The following HCRTR1 variants were observed in gnomAD, a reference collection of about 807,000 sequenced individuals.
The protein encoded by HCRTR1 is hypocretin receptor 1, also known as orexin/Hypocretin receptor type 1.
A neutral mutation model predicts 40.6 loss-of-function variants in HCRTR1; 28 were observed. The observed-to-expected ratio is 0.69, with a 90% CI of 0.51 to 0.95. The LOEUF (loss-of-function observed/expected upper bound fraction) is 0.95, where lower values mean the gene tolerates loss of function less well. Ranked by LOEUF, HCRTR1 falls within the 40% of genes least tolerant of loss-of-function variation. The pLI, the probability that HCRTR1 is intolerant of heterozygous loss-of-function variation, is 0.00. For missense variants in HCRTR1, 482 were observed against 564.7 expected, an observed-to-expected ratio of 0.85 and a Z score of 1.48; for synonymous variants, 209 against 230.0, an observed-to-expected ratio of 0.91 and a Z score of 0.83.
chr1:31,619,061 G>T lies in HCRTR1; in HGVS notation c.-132G>T. ...CCTTCCTCCCTTCAGGAAGTTTGAGGCTGAGACCCGAAAAGACCTGGGTGC... is the reference window on the plus strand; with the variant it reads ...CCTTCCTCCCTTCAGGAAGTTTGAGTCTGAGACCCGAAAAGACCTGGGTGC... On this transcript the variant is annotated 5_prime_UTR_variant, in exon 3 of 9. Transcript: ENST00000403528. 2 of 661,196 alleles carry T rather than the reference G, an allele frequency of 3.0e-6. No individual in the cohort carries two copies. Among genetic ancestry groups the T allele is most frequent in the Non-Finnish European group, 5.1e-6 (2 of 390,676 alleles). The allele number at this position is 661,196 out of a possible 1,614,324, so 41.0% of individuals were successfully genotyped here.
chr1:31,624,987 C>G lies in HCRTR1; in HGVS notation c.966-10C>G, dbSNP rs201654192. On this transcript the variant is annotated splice_polypyrimidine_tract_variant and intron_variant, in intron 7 of 8. Transcript: ENST00000403528. ...ACCCCATTTCTGACGCTCCTCCACC[C>G]TGGGCCTAGGGTGTTCGGGATGTTC... 101 of 1,590,816 alleles carry G rather than the reference C, an allele frequency of 6.3e-5. No homozygotes were observed. Among genetic ancestry groups the G allele is most frequent in the Admixed American group, 1.2e-4 (7 of 58,636 alleles).
Position 31,619,216 on chromosome 1 carries a change from G to A in HCRTR1, c.24G>A (p.Gly8=). Reference sequence around the variant, plus strand: ...TCATGGAGCCCTCAGCCACCCCAGGGGCCCAGATGGGGGTCCCCCCTGGCA... The same window carrying A: ...TCATGGAGCCCTCAGCCACCCCAGGAGCCCAGATGGGGGTCCCCCCTGGCA... MEPSATP[G]AQMGVPPGSR... Residue 8 remains glycine, a synonymous_variant, in exon 3 of 9, where the codon GGG becomes GGA. Transcript: ENST00000403528. The A allele has an allele frequency of 6.2e-7, 1 of 1,612,638 alleles. No individual in the cohort carries two copies. The highest frequency in any genetic ancestry group is 8.5e-7 in the Non-Finnish European group (1 of 1,179,990).
At chr1:31,623,221 C>T (rs1430595778) in intron 6 of HCRTR1, among the ~76,000 whole-genome samples, 1 of 149,260 alleles carries the variant, frequency 6.7e-6, no homozygotes, top group Non-Finnish European at 1.5e-5. Context: ...CCCAGCTACT[C>T]GGGAGGCGAG....
At position 31,619,715 on chromosome 1, in the gene HCRTR1, G is replaced by C; in HGVS notation, c.378+5G>C. ...AAGGTCATCCCCTATCTACAGGTGA[G>C]CTCTGCCCAGGCACCCCTCACCACT... On this transcript the variant is annotated splice_donor_5th_base_variant and intron_variant, in intron 4 of 8. Coordinates refer to ENST00000403528, the MANE Select transcript of HCRTR1 (RefSeq NM_001525.3). 6.3e-7 allele frequency: 1 copy of C among 1,585,546 alleles called. No individual in the cohort carries two copies. The highest frequency in any genetic ancestry group is 8.6e-7 in the Non-Finnish European group (1 of 1,163,030).
rs543702555 is a variant in HCRTR1, at chr1:31,625,672, C to G, written c.1087+554C>G. ...GGAAGTCTTCCTCCCCTGCCACCCC[C>G]ACTCCCACTCCAGGCCTCTCCTCTC... On this transcript the variant is annotated intron_variant, in intron 8 of 8. Transcript: ENST00000403528. The surrounding 1 kb of genome is among the most constrained non-coding windows in gnomAD (Gnocchi z 4.2). 6.6e-6 allele frequency among the ~76,000 whole-genome samples: 1 copy of G among 152,332 alleles called. No homozygotes were observed. Among genetic ancestry groups the G allele is most frequent in the Admixed American group, 6.5e-5 (1 of 15,306 alleles).
At position 31,623,625 on chromosome 1, in the gene HCRTR1, C is replaced by T. The variant is rs771966404; in HGVS notation, c.841C>T (p.Arg281Cys). 5.0e-6 allele frequency: 8 copies of T among 1,613,766 alleles called. No homozygotes were observed. The highest frequency in any genetic ancestry group is 6.8e-6 in the Non-Finnish European group (8 of 1,180,048). The change falls in exon 7 of 9, where the codon CGC becomes TGC. Residue 281 changes from arginine to cysteine, a missense_variant. Arg to Cys is a radical substitution (Grantham distance 180). Coordinates refer to ENST00000403528, the MANE Select transcript of HCRTR1 (RefSeq NM_001525.3). Reference sequence around the variant, plus strand: ...GAGTGGAGAGCCCCAGCCCCGGGCCCGCGCCTTCCTGGCTGAAGTGAAGCA... The same window carrying T: ...GAGTGGAGAGCCCCAGCCCCGGGCCTGCGCCTTCCTGGCTGAAGTGAAGCA... ...GLSGEPQPRA[R>C]AFLAEVKQMR... is the part of the protein sequence containing the mutation.
In HCRTR1 at chr1:31,626,869, T is replaced by C. The variant is rs748583607; in HGVS notation, c.1167T>C (p.Pro389=). 10 of 1,613,914 alleles carry C rather than the reference T, an allele frequency of 6.2e-6. No individual in the cohort carries two copies. The African/African-American group carries it at 1.1e-4, about 17-fold the overall frequency. The change falls in exon 9 of 9, where the codon CCT becomes CCC. Residue 389 remains proline, a synonymous_variant. Coordinates refer to ENST00000403528, the MANE Select transcript of HCRTR1 (RefSeq NM_001525.3). The surrounding 1 kb of genome is among the most constrained non-coding windows in gnomAD (Gnocchi z 4.6). ...GLGPCGSLKA[P]SPRSSASHKS... is the part of the protein sequence containing the mutation. Reference sequence around the variant, plus strand: ...GTCCCTGCGGCTCTCTGAAGGCCCCTAGTCCCCGCTCCTCTGCCAGCCACA... The same window carrying C: ...GTCCCTGCGGCTCTCTGAAGGCCCCCAGTCCCCGCTCCTCTGCCAGCCACA...
chr1:31,630,788 GA>G (rs1557583144), downstream of HCRTR1: 1 of 1,613,604 alleles, frequency 6.2e-7, no homozygotes, highest in Non-Finnish European at 8.5e-7. Context: ...GCAGTAGCGG[GA>G]GACCAGAAGC....
At position 31,620,009 on chromosome 1, in the gene HCRTR1, G is replaced by A. The variant is rs138201130; in HGVS notation, c.378+299G>A. On this transcript the variant is annotated intron_variant, in intron 4 of 8. Coordinates refer to ENST00000403528, the MANE Select transcript of HCRTR1 (RefSeq NM_001525.3). ...GTACACAGGCACACAGTCAAGGAGA[G>A]AGGCAACAGCCCACAGTGACACATA... Among the ~76,000 whole-genome samples the A allele has an allele frequency of 6.1e-3, 924 of 152,312 alleles. 9 individuals carry two copies. Among genetic ancestry groups the A allele is most frequent in the African/African-American group, 0.021 (884 of 41,562 alleles).
downstream of HCRTR1, chr1:31,633,326 G>T (rs375773716): frequency 8.7e-6 from 14 of 1,604,058 alleles, no homozygotes; most frequent in Admixed American, 1.7e-5. Flanking sequence ...TGGAGGAAGG[G>T]GTGTGAAGGC....
chr1:31,621,536 C>T lies in HCRTR1; in HGVS notation c.682C>T (p.Leu228=), dbSNP rs1372493121. The T allele has an allele frequency of 4.3e-6, 7 of 1,614,128 alleles. No individual in the cohort carries two copies. In the East Asian group the frequency reaches 1.6e-4, roughly 36 times the overall value. The change falls in exon 6 of 9, where the codon CTG becomes TTG. Residue 228 remains leucine (L), a synonymous_variant. Coordinates refer to ENST00000403528, the MANE Select transcript of HCRTR1 (RefSeq NM_001525.3). Reference sequence around the variant, plus strand: ...CTTTATTGTCACCTACCTGGCCCCACTGGGCCTCATGGCCATGGCCTATTT... The same window carrying T: ...CTTTATTGTCACCTACCTGGCCCCATTGGGCCTCATGGCCATGGCCTATTT... The part of the protein sequence containing the change: ...CFFIVTYLAP[L]GLMAMAYFQI...
In HCRTR1 at chr1:31,619,153, G is replaced by A. The variant is rs200605921; in HGVS notation, c.-40G>A. ...CCAAGCTCCCTCCTCTCCCTCTGTA[G>A]AGCCTAGGATGCCCCTCTGCTGCAG... is the stretch of plus-strand genomic sequence containing the variant. On this transcript the variant is annotated 5_prime_UTR_variant, in exon 3 of 9. Coordinates refer to ENST00000403528, the MANE Select transcript of HCRTR1 (RefSeq NM_001525.3). 5.7e-5 allele frequency: 89 copies of A among 1,573,500 alleles called. No homozygotes were observed. The highest frequency in any genetic ancestry group is 7.2e-5 in the Non-Finnish European group (83 of 1,157,098).
intron 4 of HCRTR1, among the ~76,000 whole-genome samples, 173 bp downstream of exon 4, chr1:31,619,883 C>T (rs886913259): frequency 6.6e-6 from 1 of 152,184 alleles, no homozygotes; most frequent in Non-Finnish European, 1.5e-5. Context: ...ATCAGACACT[C>T]GAGGACACAG....
downstream of HCRTR1, among the ~76,000 whole-genome samples, chr1:31,633,523 T>C (rs1477950322): frequency 6.6e-6 from 1 of 152,246 alleles, no homozygotes; most frequent in Non-Finnish European, 1.5e-5. Context: ...ATGAGTCCTC[T>C]GGAGTTCTCG....
At position 31,625,408 on chromosome 1, in the gene HCRTR1, T is replaced by C. The variant is rs1417008589; in HGVS notation, c.1087+290T>C. Among the ~76,000 whole-genome samples the C allele has an allele frequency of 2.0e-5, 3 of 152,108 alleles. No individual in the cohort carries two copies. The highest frequency in any genetic ancestry group is 4.8e-5 in the African/African-American group (2 of 41,424). On this transcript the variant is annotated intron_variant, in intron 8 of 8. Transcript: ENST00000403528. The surrounding 1 kb of genome is among the most constrained non-coding windows in gnomAD (Gnocchi z 4.2). Reference sequence around the variant, plus strand: ...GCCAGCTCACCCCCAACTCCCACCCTGGGTGCAGGCACAGCAAGACCTCCA... The same window carrying C: ...GCCAGCTCACCCCCAACTCCCACCCCGGGTGCAGGCACAGCAAGACCTCCA...
chr1:31,633,509 T>G (rs1364895905), downstream of HCRTR1, among the ~76,000 whole-genome samples: 2 of 152,234 alleles, frequency 1.3e-5, no homozygotes, highest in African/African-American at 4.8e-5. Flanking sequence ...TTGATTTCTA[T>G]TCCATGAGTC....
downstream of HCRTR1, chr1:31,633,422 T>G: frequency 2.6e-6 from 3 of 1,167,246 alleles, no homozygotes; most frequent in Non-Finnish European, 3.6e-6. Flanking sequence ...CAAATTCACC[T>G]TCCCTGTCTT....
At position 31,627,121 on chromosome 1, in the gene HCRTR1, A is replaced by T. The variant is rs1448596165; in HGVS notation, c.*141A>T. On this transcript the variant is annotated 3_prime_UTR_variant, in exon 9 of 9. Coordinates refer to ENST00000403528, the MANE Select transcript of HCRTR1 (RefSeq NM_001525.3). ...CTGGATAAGTCACTTCCTCTGTCTGAGCTTGTGTCCCCTAAGCAGGGTTGA... is the reference window on the plus strand; with the variant it reads ...CTGGATAAGTCACTTCCTCTGTCTGTGCTTGTGTCCCCTAAGCAGGGTTGA... 2 of 1,435,744 alleles carry T rather than the reference A, an allele frequency of 1.4e-6. No homozygotes were observed. Among genetic ancestry groups the T allele is most frequent in the Non-Finnish European group, 1.9e-6 (2 of 1,078,554 alleles). The allele number at this position is 1,435,744 out of a possible 1,614,324, so 88.9% of individuals were successfully genotyped here. A position where few individuals can be genotyped will look rare whatever the true frequency, so the allele number is the denominator to read the frequency against.
rs763803560 is a variant in HCRTR1 at position 31,619,326 on chromosome 1, A to G, written c.134A>G (p.Tyr45Cys). The G allele has an allele frequency of 1.2e-6, 2 of 1,614,216 alleles. No individual in the cohort carries two copies. Among genetic ancestry groups the G allele is most frequent in the South Asian group, 2.2e-5 (2 of 91,090 alleles). ...CGCGATTATCTGTACCCAAAACAGT[A>G]TGAGTGGGTCCTCATCGCAGCCTAT... ...LWRDYLYPKQYEWVLIAAYVA... is the reference protein window; with the variant it reads ...LWRDYLYPKQCEWVLIAAYVA... The change falls in exon 3 of 9, where the codon TAT becomes TGT. Residue 45 changes from tyrosine (Y) to cysteine (C), a missense_variant. Physicochemically the swap from Tyr to Cys is radical, Grantham distance 194. Coordinates refer to ENST00000403528, the MANE Select transcript of HCRTR1 (RefSeq NM_001525.3).
Sources: allele counts gnomAD v4.1 joint callset (sites outside exome capture counted in the v4.1 genomes callset), GRCh38; gene constraint gnomAD v4.1.1; non-coding constraint Gnocchi (gnomAD v3.1); transcripts MANE v1.5; gene names NCBI Gene and HGNC (gene_info 2026-07-23, HGNC 2026-07-21).